The following MLYCD variants were observed in gnomAD, a reference collection of about 807,000 sequenced individuals.
MLYCD encodes malonyl-CoA decarboxylase, mitochondrial.
Under a neutral mutation model 35.8 loss-of-function variants are expected in MLYCD, and 27 were observed. That is an observed-to-expected ratio of 0.75 (90% CI 0.56 to 1.04). The LOEUF (loss-of-function observed/expected upper bound fraction) is 1.04. Among genes scored for constraint, MLYCD ranks in the 50% least tolerant of loss-of-function variants. The pLI, the probability that MLYCD is intolerant of heterozygous loss-of-function variation, is 0.00. For missense variants in MLYCD, 917 were observed against 665.1 expected, an observed-to-expected ratio of 1.38 and a Z score of -4.17; for synonymous variants, 403 against 302.4, an observed-to-expected ratio of 1.33 and a Z score of -3.45.
In MLYCD at chr16:83,911,950, C is replaced by T. The variant is rs1267901430; in HGVS notation, c.799-268C>T. The stretch of plus-strand genomic sequence containing the variant: ...CCTAAAAGAGACAGAAAGGGGCATA[C>T]ATTGCTCTTCAACAAAGTTTGCATG... On this transcript the variant is annotated intron_variant, in intron 3 of 4. Coordinates refer to ENST00000262430, the MANE Select transcript of MLYCD (RefSeq NM_012213.3). 4 of 481,456 alleles carry T rather than the reference C, an allele frequency of 8.3e-6. No individual in the cohort carries two copies. In the East Asian group the frequency reaches 1.6e-4, roughly 20 times the overall value. The allele number at this position is 481,456 out of a possible 1,614,324, so 29.8% of individuals were successfully genotyped here. A position where few individuals can be genotyped will look rare whatever the true frequency, so the allele number is the denominator to read the frequency against.
chr16:83,912,404 T>C (rs768049192), intron 4 of MLYCD, 37 bp downstream of exon 4: 3 of 1,613,574 alleles, frequency 1.9e-6, no homozygotes, highest in Non-Finnish European at 8.5e-7. Context: ...CACGCTTGGC[T>C]TCCGTGTGGT....
Position 83,921,524 on chromosome 16 carries a change from TGATG to T in MLYCD, c.*6037_*6040del. 6.6e-6 allele frequency: 1 copy of T among 151,792 alleles called. No homozygotes were observed. The highest frequency in any genetic ancestry group is 1.9e-4 in the East Asian group (1 of 5,132). The allele number at this position is 151,792 out of a possible 1,614,324, so 9.4% of individuals were successfully genotyped here. A position where few individuals can be genotyped will look rare whatever the true frequency, so the allele number is the denominator to read the frequency against. ...ATGGATGGATGGGGGACAGATGAAT[TGATG>T]GCGGAGGATGTTAGGATGGGTGGAT... On this transcript the variant is annotated 3_prime_UTR_variant, in exon 5 of 5. Coordinates refer to ENST00000262430, the MANE Select transcript of MLYCD (RefSeq NM_012213.3).
Position 83,915,411 on chromosome 16 carries a change from C to A in MLYCD, c.1404C>A (p.Tyr468Ter), listed in dbSNP as rs556242251. The change falls in exon 5 of 5, where the codon TAC becomes TAA. Residue 468 changes from tyrosine (Y) to a stop codon, truncating the protein, a stop_gained. Transcript: ENST00000262430. LOFTEE classifies it high-confidence loss of function. ...LEETGPNSTSYLGSKIIKASE... is the reference protein window; with the variant it reads ...LEETGPNSTS ...AGACGGGCCCCAACAGCACCTCCTA[C>A]CTCGGCTCCAAGATCATCAAAGCCT... 2 of 1,613,856 alleles carry A rather than the reference C, an allele frequency of 1.2e-6. No homozygotes were observed. The highest frequency in any genetic ancestry group is 1.1e-5 in the South Asian group (1 of 91,086).
chr16:83,916,006 A>G lies in MLYCD; in HGVS notation c.*517A>G. On this transcript the variant is annotated 3_prime_UTR_variant, in exon 5 of 5. Coordinates refer to ENST00000262430, the MANE Select transcript of MLYCD (RefSeq NM_012213.3). ...ACTTCCCAGTTACATTCTGAAGCTC[A>G]TAAATGTATGAGAAGGTTTGTGATT... 6.9e-6 allele frequency: 7 copies of G among 1,007,536 alleles called. No individual in the cohort carries two copies. Among genetic ancestry groups the G allele is most frequent in the South Asian group, 4.2e-5 (1 of 23,812 alleles). 62.4% of individuals were successfully genotyped at this position (1,007,536 alleles called of 1,614,324 possible).
chr16:83,903,632 G>C (rs1393332975), intron 1 of MLYCD, among the ~76,000 whole-genome samples: 7 of 152,220 alleles, frequency 4.6e-5, no homozygotes, highest in Non-Finnish European at 7.3e-5. Context: ...TGTCATACAA[G>C]TCAATGGAAT....
chr16:83,912,190 C>T (rs764073765), intron 3 of MLYCD, 28 bp from the exon 4 acceptor site: 2 of 1,614,064 alleles, frequency 1.2e-6, no homozygotes, highest in East Asian at 2.2e-5. Flanking sequence ...GCCAGGCCAC[C>T]CTTAGAACCA....
At chr16:83,902,129 ATATG>A (rs959449174) in intron 1 of MLYCD, among the ~76,000 whole-genome samples, 5 of 130,260 alleles carry the variant, frequency 3.8e-5, no homozygotes, top group African/African-American at 6.1e-5. Context: ...ATGTATGTGT[ATATG>A]TGTGTGTGTG....
At position 83,921,385 on chromosome 16, in the gene MLYCD, AGATG is replaced by A. The variant is rs371845993; in HGVS notation, c.*5903_*5906del. ...AGGATGGATGGATGGATGGATGGAT[AGATG>A]GATGGAGGAGGGTGGATGGAAGGAA... is the stretch of plus-strand genomic sequence containing the variant. On this transcript the variant is annotated 3_prime_UTR_variant, in exon 5 of 5. Transcript: ENST00000262430. 16 of 116,364 alleles carry A rather than the reference AGATG, an allele frequency of 1.4e-4. No homozygotes were observed. Among genetic ancestry groups the A allele is most frequent in the Admixed American group, 3.8e-4 (4 of 10,406 alleles). The allele number at this position is 116,364 out of a possible 1,614,324, so 7.2% of individuals were successfully genotyped here. A position where few individuals can be genotyped will look rare whatever the true frequency, so the allele number is the denominator to read the frequency against.
Position 83,919,341 on chromosome 16 carries a change from C to T in MLYCD, c.*3852C>T, listed in dbSNP as rs546271363. ...ACACACAGTGCACAGAATTCATGCACACAGTGCACAGGAGAACACACACAG... is the reference window on the plus strand; with the variant it reads ...ACACACAGTGCACAGAATTCATGCATACAGTGCACAGGAGAACACACACAG... On this transcript the variant is annotated 3_prime_UTR_variant, in exon 5 of 5. Coordinates refer to ENST00000262430, the MANE Select transcript of MLYCD (RefSeq NM_012213.3). 6.7e-6 allele frequency: 1 copy of T among 148,754 alleles called. No individual in the cohort carries two copies. Among genetic ancestry groups the T allele is most frequent in the South Asian group, 2.1e-4 (1 of 4,694 alleles). The allele number at this position is 148,754 out of a possible 1,614,324, so 9.2% of individuals were successfully genotyped here. A position where few individuals can be genotyped will look rare whatever the true frequency, so the allele number is the denominator to read the frequency against.
At position 83,916,679 on chromosome 16, in the gene MLYCD, TC is replaced by T. The variant is rs1907407289; in HGVS notation, c.*1191del. 1 of 124,014 alleles carries T rather than the reference TC, an allele frequency of 8.1e-6. No homozygotes were observed. Among genetic ancestry groups the T allele is most frequent in the Non-Finnish European group, 1.7e-5 (1 of 57,968 alleles). The allele number at this position is 124,014 out of a possible 1,614,324, so 7.7% of individuals were successfully genotyped here. On this transcript the variant is annotated 3_prime_UTR_variant, in exon 5 of 5. Transcript: ENST00000262430. The stretch of plus-strand genomic sequence containing the variant: ...GCATCTCTGTGTGTGTCAGTGCACG[TC>T]TGTGTGCGTGTGCACGAGCGTCTCT...
intron 1 of MLYCD, among the ~76,000 whole-genome samples, chr16:83,902,324 G>T (rs72791521): frequency 0.057 from 8,523 of 150,382 alleles, 320 homozygotes; most frequent in Non-Finnish European, 0.085. Context: ...AATCCCAAGT[G>T]CTGGGATTAT....
intron 1 of MLYCD, among the ~76,000 whole-genome samples, chr16:83,906,695 A>G (rs951662506): frequency 1.3e-5 from 2 of 151,880 alleles, no homozygotes; most frequent in Non-Finnish European, 2.9e-5. Context: ...AACGAATTGG[A>G]AGATATTATT....
chr16:83,915,382 G>T lies in MLYCD; in HGVS notation c.1375G>T (p.Glu459Ter). 6.2e-7 allele frequency: 1 copy of T among 1,613,910 alleles called. No homozygotes were observed. Among genetic ancestry groups the T allele is most frequent in the Non-Finnish European group, 8.5e-7 (1 of 1,180,050 alleles). ...GLMANYRYFLEETGPNSTSYL... is the reference protein window; with the variant it reads ...GLMANYRYFL ...GATGGCCAACTACCGCTACTTCCTG[G>T]AGGAGACGGGCCCCAACAGCACCTC... The change falls in exon 5 of 5, where the codon GAG becomes TAG. Residue 459 changes from glutamate to a stop codon, truncating the protein, a stop_gained. Coordinates refer to ENST00000262430, the MANE Select transcript of MLYCD (RefSeq NM_012213.3). LOFTEE classifies it high-confidence loss of function.
In MLYCD at chr16:83,916,868, C is replaced by T. The variant is rs1284551297; in HGVS notation, c.*1379C>T. On this transcript the variant is annotated 3_prime_UTR_variant, in exon 5 of 5. Transcript: ENST00000262430. ...CAGTGCACGTCTGTGTGCGTGTGCC[C>T]GAGCGTCTCTGTGTGGATCAGTGCA... is the stretch of plus-strand genomic sequence containing the variant. 5 of 136,556 alleles carry T rather than the reference C, an allele frequency of 3.7e-5. No homozygotes were observed. Among genetic ancestry groups the T allele is most frequent in the South Asian group, 2.3e-4 (1 of 4,390 alleles). The allele number at this position is 136,556 out of a possible 1,614,324, so 8.5% of individuals were successfully genotyped here. A position where few individuals can be genotyped will look rare whatever the true frequency, so the allele number is the denominator to read the frequency against.
intron 1 of MLYCD, among the ~76,000 whole-genome samples, chr16:83,901,277 A>G (rs186865076): frequency 6.6e-6 from 1 of 152,344 alleles, no homozygotes; most frequent in East Asian, 1.9e-4. Context: ...ACACTTGGAC[A>G]TAGTACTTGC....
intron 1 of MLYCD, among the ~76,000 whole-genome samples, chr16:83,906,084 G>C (rs181225653): frequency 6.6e-6 from 1 of 152,318 alleles, no homozygotes; most frequent in East Asian, 1.9e-4. Context: ...TCTAAGGTAG[G>C]TTAAAAATGC....
Position 83,916,266 on chromosome 16 carries a change from G to A in MLYCD, c.*777G>A. 1 of 917,406 alleles carries A rather than the reference G, an allele frequency of 1.1e-6. No individual in the cohort carries two copies. The highest frequency in any genetic ancestry group is 1.3e-6 in the Non-Finnish European group (1 of 766,260). The allele number at this position is 917,406 out of a possible 1,614,324, so 56.8% of individuals were successfully genotyped here. On this transcript the variant is annotated 3_prime_UTR_variant, in exon 5 of 5. Transcript: ENST00000262430. ...AGCCAGCCAGCCTACGGGGAGTTTG[G>A]GATGAAGGAGCCTGGGGTGTGTTGG... is the stretch of plus-strand genomic sequence containing the variant.
intron 1 of MLYCD, among the ~76,000 whole-genome samples, chr16:83,905,619 C>T (rs955656885): frequency 6.6e-6 from 1 of 152,220 alleles, no homozygotes; most frequent in Non-Finnish European, 1.5e-5. Context: ...GCCTTCCAGT[C>T]TGCAGTGGAA....
chr16:83,922,676 A>G lies in MLYCD; in HGVS notation c.*7187A>G, dbSNP rs1052378029. 3 of 152,260 alleles carry G rather than the reference A, an allele frequency of 2.0e-5. No individual in the cohort carries two copies. The highest frequency in any genetic ancestry group is 7.2e-5 in the African/African-American group (3 of 41,448). The allele number at this position is 152,260 out of a possible 1,614,324, so 9.4% of individuals were successfully genotyped here. On this transcript the variant is annotated 3_prime_UTR_variant, in exon 5 of 5. Transcript: ENST00000262430. ...AGGCTCAAAGGAGACGATGTATATAAAGCAGTTAACTGATGCCTGCCCTGG... is the reference window on the plus strand; with the variant it reads ...AGGCTCAAAGGAGACGATGTATATAGAGCAGTTAACTGATGCCTGCCCTGG...
Sources: gnomAD v4.1 joint callset for allele counts (sites outside exome capture counted in the v4.1 genomes callset) on GRCh38, gnomAD v4.1.1 for gene constraint, MANE v1.5 for transcripts, NCBI Gene and HGNC (gene_info 2026-07-23, HGNC 2026-07-21) for gene names.